PRKG1: variants seen among roughly 807,000 people sequenced by gnomAD.
PRKG1 encodes protein kinase cGMP-dependent 1, also known as cGMP-dependent protein kinase 1.
Under a neutral mutation model 88.1 loss-of-function variants are expected in PRKG1, and 35 were observed. The observed-to-expected ratio is 0.40, with a 90% CI of 0.30 to 0.53. PRKG1 has a LOEUF of 0.53. Ranked by LOEUF, PRKG1 falls within the 20% of genes least tolerant of loss-of-function variation. The pLI is 0.59. For missense variants in PRKG1, 540 were observed against 839.8 expected (o/e 0.64, Z 4.41); for synonymous variants, 303 against 292.5 (o/e 1.04, Z -0.37).
At chr10:51,484,020 C>T (rs1341180398) in intron 3 of PRKG1, among the ~76,000 whole-genome samples, 2 of 152,068 alleles carry the variant, frequency 1.3e-5, no homozygotes, top group East Asian at 1.9e-4. Context: ...ACTTCCTAAG[C>T]TTTGTTTTTA....
intron 1 of PRKG1, among the ~76,000 whole-genome samples, chr10:51,097,865 T>C (rs1844574516): frequency 6.6e-6 from 1 of 152,168 alleles, no homozygotes; most frequent in Non-Finnish European, 1.5e-5. Context: ...ATGCTTTAAC[T>C]CTTTTTTGGA....
intron 3 of PRKG1, among the ~76,000 whole-genome samples, chr10:51,800,845 C>A (rs1839154190): frequency 6.6e-6 from 1 of 151,970 alleles, no homozygotes; most frequent in African/African-American, 2.4e-5. Flanking sequence ...TGTGCTTTAC[C>A]CCCATGATGT....
intron 3 of PRKG1, among the ~76,000 whole-genome samples, chr10:51,621,081 C>CAT (rs1839199857): frequency 6.9e-6 from 1 of 144,100 alleles, no homozygotes; most frequent in East Asian, 2.1e-4. Flanking sequence ...ATGTATGAGT[C>CAT]ATAAACTGAC....
chr10:51,316,214 G>C (rs1841313154), intron 2 of PRKG1, among the ~76,000 whole-genome samples: 1 of 152,140 alleles, frequency 6.6e-6, no homozygotes, highest in Admixed American at 6.5e-5. Flanking sequence ...TTTGTATGGA[G>C]ACTCTCAGAG....
intron 9 of PRKG1, among the ~76,000 whole-genome samples, chr10:52,224,731 A>G (rs531516625): frequency 5.7e-4 from 86 of 149,868 alleles, no homozygotes; most frequent in Admixed American, 8.0e-4. Flanking sequence ...TTCACTTACA[A>G]TAATAGCCTC....
intron 1 of PRKG1, among the ~76,000 whole-genome samples, chr10:51,051,157 C>T (rs1447438866): frequency 1.3e-5 from 2 of 151,988 alleles, no homozygotes; most frequent in Admixed American, 1.3e-4. Flanking sequence ...AGAAGGTATT[C>T]AGTTTGACAG....
chr10:52,073,354 C>T (rs1589581120), intron 7 of PRKG1, among the ~76,000 whole-genome samples: 1 of 152,282 alleles, frequency 6.6e-6, no homozygotes, highest in East Asian at 1.9e-4. Flanking sequence ...AATCAACTCA[C>T]TACATTCTCT....
intron 9 of PRKG1, among the ~76,000 whole-genome samples, chr10:52,205,174 A>G (rs1839786069): frequency 6.6e-6 from 1 of 152,180 alleles, no homozygotes; most frequent in African/African-American, 2.4e-5. Context: ...CAATGCGTGC[A>G]CAGCAGGACG....
intron 1 of PRKG1, among the ~76,000 whole-genome samples, chr10:51,100,176 G>T (rs1472521805): frequency 1.3e-5 from 2 of 152,134 alleles, no homozygotes; most frequent in African/African-American, 4.8e-5. Context: ...TTACAGAAAT[G>T]AGCCATCATA....
intron 3 of PRKG1, among the ~76,000 whole-genome samples, chr10:51,562,449 G>A (rs1178652236): frequency 6.6e-6 from 1 of 151,980 alleles, no homozygotes; most frequent in African/African-American, 2.4e-5. Context: ...GGAGATAGTA[G>A]GAAAGTTTTC....
chr10:51,425,622 G>A (rs779501598), intron 2 of PRKG1, among the ~76,000 whole-genome samples: 16 of 152,158 alleles, frequency 1.1e-4, no homozygotes, highest in Non-Finnish European at 1.9e-4. Flanking sequence ...AGTCTGGTAC[G>A]ATGACAACAG....
chr10:51,522,801 A>T (rs918912997), intron 3 of PRKG1, among the ~76,000 whole-genome samples: 1 of 152,094 alleles, frequency 6.6e-6, no homozygotes. Context: ...ATCATAGGCA[A>T]TTCTGAAATG....
At chr10:51,148,252 C>G in intron 1 of PRKG1, 2 of 985,278 alleles carry the variant, frequency 2.0e-6, no homozygotes, top group Non-Finnish European at 2.4e-6. Context: ...ATAGACAATA[C>G]TGTAGGCCAA....
chr10:51,449,356 G>A (rs370098499), intron 2 of PRKG1, among the ~76,000 whole-genome samples: 2 of 151,630 alleles, frequency 1.3e-5, no homozygotes, highest in African/African-American at 4.8e-5. Context: ...AATAAAATAC[G>A]TGGGAAATGT....
At chr10:52,189,127 G>A (rs1056091160) in intron 9 of PRKG1, among the ~76,000 whole-genome samples, 2 of 152,086 alleles carry the variant, frequency 1.3e-5, no homozygotes, top group African/African-American at 4.8e-5. Context: ...ATACTTTTCT[G>A]TATAAAGAAA....
At chr10:52,054,593 C>T (rs2133254844) in intron 6 of PRKG1, 32 bp downstream of exon 6, 1 of 1,589,678 alleles carries the variant, frequency 6.3e-7, no homozygotes. Context: ...CAGTGATGCA[C>T]TAGGGGAGCC....
Position 50,991,110 on chromosome 10 carries a change from G to T in PRKG1, c.-269G>T. 1 of 410,650 alleles carries T rather than the reference G, an allele frequency of 2.4e-6. No individual in the cohort carries two copies. The highest frequency in any genetic ancestry group is 4.3e-6 in the Non-Finnish European group (1 of 232,188). The allele number at this position is 410,650 out of a possible 1,614,324, so 25.4% of individuals were successfully genotyped here. On this transcript the variant is annotated 5_prime_UTR_variant, in exon 1 of 18. Transcript: ENST00000401604. This position sits in a 1 kb window ranked among gnomAD's most constrained non-coding sequence, Gnocchi z 4.5. ...AAGATAATCACCTACTCCCCAGAGA[G>T]GCTGGAGATTAGCACTCTGCCTCTC...
At chr10:51,001,531 T>C (rs1842889524) in intron 1 of PRKG1, among the ~76,000 whole-genome samples, 1 of 152,244 alleles carries the variant, frequency 6.6e-6, no homozygotes, top group Non-Finnish European at 1.5e-5. Flanking sequence ...TTTTTTGTAT[T>C]AAATTATATT....
chr10:51,465,591 T>C (rs1839884391), intron 2 of PRKG1, among the ~76,000 whole-genome samples: 1 of 152,150 alleles, frequency 6.6e-6, no homozygotes, highest in South Asian at 2.1e-4. Flanking sequence ...TGGAGAAAAG[T>C]ACAAAGCCAT....
Sources: gnomAD v4.1 joint callset for allele counts (sites outside exome capture counted in the v4.1 genomes callset) on GRCh38, gnomAD v4.1.1 for gene constraint, Gnocchi (gnomAD v3.1) non-coding constraint, MANE v1.5 for transcripts, NCBI Gene and HGNC (gene_info 2026-07-23, HGNC 2026-07-21) for gene names.